MDH1: variants seen among roughly 807,000 people sequenced by gnomAD.
MDH1 encodes malate dehydrogenase, cytoplasmic.
MDH1 carries 15 observed loss-of-function variants against 38.7 expected under a neutral mutation model. That is an observed-to-expected ratio of 0.39 (90% CI 0.26 to 0.60). The LOEUF (loss-of-function observed/expected upper bound fraction) is 0.60, where lower values mean the gene tolerates loss of function less well. MDH1 is among the 20% of genes least tolerant of loss of function. The pLI, the probability that MDH1 is intolerant of heterozygous loss-of-function variation, is 0.56. For synonymous variants in MDH1, 144 were observed against 143.6 expected, an observed-to-expected ratio of 1.00 and a Z score of -0.02; for missense variants, 368 against 405.2, an observed-to-expected ratio of 0.91 and a Z score of 0.79.
At chr2:63,596,669 A>G (rs1369782025) in intron 3 of MDH1, among the ~76,000 whole-genome samples, 1 of 152,218 alleles carries the variant, frequency 6.6e-6, no homozygotes, top group Admixed American at 6.5e-5. Flanking sequence ...AGCCTTGACT[A>G]TGATGCAACT....
chr2:63,595,562 C>T lies in MDH1; in HGVS notation c.199+43C>T, dbSNP rs377107529. On this transcript the variant is annotated intron_variant, in intron 3 of 8. Transcript: ENST00000233114. ...GAAGGGATTTTATGGTATTTGATTT[C>T]TTACAAAATACAGGTTTTAGGTTTT... The T allele has an allele frequency of 4.2e-5, 52 of 1,229,150 alleles. No individual in the cohort carries two copies. The African/African-American group carries it at 7.1e-4, about 17-fold the overall frequency. 76.1% of individuals were successfully genotyped at this position (1,229,150 alleles called of 1,614,324 possible). A position where few individuals can be genotyped will look rare whatever the true frequency, so the allele number is the denominator to read the frequency against.
chr2:63,589,984 A>G (rs998835744), intron 1 of MDH1: 1 of 154,098 alleles, frequency 6.5e-6, no homozygotes, highest in African/African-American at 2.4e-5. Context: ...GTTTGAATGA[A>G]TTGGAAATTT....
chr2:63,606,733 C>A, intron 8 of MDH1, 129 bp from the exon 9 acceptor site: 4 of 462,684 alleles, frequency 8.6e-6, no homozygotes, highest in East Asian at 4.3e-5. Flanking sequence ...TAATTAAAAT[C>A]TGGATTTTTA....
At chr2:63,593,498 G>A (rs1709241534) in intron 1 of MDH1, 11 of 465,952 alleles carry the variant, frequency 2.4e-5, no homozygotes, top group South Asian at 1.6e-4. Flanking sequence ...AAGCTTGAAA[G>A]AAGCCTTCGA....
At chr2:63,593,530 C>A (rs539495861) in intron 1 of MDH1, 11 of 470,878 alleles carry the variant, frequency 2.3e-5, no homozygotes, top group Non-Finnish European at 4.8e-5. Flanking sequence ...CTTGTTTCGT[C>A]TCAGAGACGT....
At chr2:63,606,089 A>G in intron 8 of MDH1, 61 bp downstream of exon 8, 1 of 1,461,434 alleles carries the variant, frequency 6.8e-7, no homozygotes, top group Non-Finnish European at 9.6e-7. Flanking sequence ...TCTCTTAAGA[A>G]TGGTATTATT....
intron 7 of MDH1, 113 bp from the exon 8 acceptor site, chr2:63,605,826 A>G (rs2106629433): frequency 1.2e-6 from 1 of 852,480 alleles, no homozygotes; most frequent in South Asian, 1.4e-5. Context: ...TTCCTTACAC[A>G]GTAATGATGT....
chr2:63,595,365 T>G (rs966983801), intron 2 of MDH1, 58 bp from the exon 3 acceptor site: 4 of 1,060,088 alleles, frequency 3.8e-6, no homozygotes, highest in Middle Eastern at 4.0e-4. Context: ...TGAAAAGACT[T>G]TCTTGTGTCT....
At chr2:63,594,876 CATGT>C in intron 2 of MDH1, 1 of 304,690 alleles carries the variant, frequency 3.3e-6, no homozygotes, top group South Asian at 3.9e-5. Flanking sequence ...AACTTACAGT[CATGT>C]GGGAGAGAGT....
chr2:63,603,924 T>C (rs977237983), intron 5 of MDH1, among the ~76,000 whole-genome samples: 1 of 152,272 alleles, frequency 6.6e-6, no homozygotes, highest in South Asian at 2.1e-4. Context: ...CCCAAAGTGC[T>C]GGGATTACAG....
chr2:63,590,717 C>T (rs950640682), intron 1 of MDH1: 1 of 152,122 alleles, frequency 6.6e-6, no homozygotes, highest in African/African-American at 2.4e-5. Flanking sequence ...CTAGCAAGGC[C>T]CCACCGTTGG....
chr2:63,589,883 A>G (rs1709134660), intron 1 of MDH1: 1 of 169,932 alleles, frequency 5.9e-6, no homozygotes, highest in Non-Finnish European at 1.3e-5. Flanking sequence ...ATCGCTTCAT[A>G]CTATCAATAC....
intron 6 of MDH1, 37 bp from the exon 7 acceptor site, chr2:63,605,243 C>T (rs1272182975): frequency 2.2e-6 from 3 of 1,366,432 alleles, no homozygotes; most frequent in Non-Finnish European, 3.1e-6. Flanking sequence ...CTATCATGAC[C>T]AAGTAATACT....
chr2:63,593,659 T>C (rs1163282036), intron 1 of MDH1: 1 of 471,546 alleles, frequency 2.1e-6, no homozygotes, highest in Admixed American at 2.3e-5. Context: ...GGAAGTACAT[T>C]TACCCAGCAT....
At chr2:63,597,271 A>T in intron 3 of MDH1, 128 bp from the exon 4 acceptor site, 1 of 1,242,856 alleles carries the variant, frequency 8.0e-7, no homozygotes, top group Non-Finnish European at 1.0e-6. Context: ...GGCTCCTGAA[A>T]TGTATATCAG....
At chr2:63,594,612 A>C (rs1268447476) in intron 2 of MDH1, 26 bp downstream of exon 2, 1 of 1,472,548 alleles carries the variant, frequency 6.8e-7, no homozygotes, top group South Asian at 1.2e-5. Flanking sequence ...TATAAATCTT[A>C]AGTTATTAGA....
intron 3 of MDH1, 92 bp from the exon 4 acceptor site, chr2:63,597,307 G>C (rs960260215): frequency 2.3e-6 from 3 of 1,281,608 alleles, no homozygotes; most frequent in Non-Finnish European, 3.0e-6. Flanking sequence ...CTTGCAACAA[G>C]TGAAAGAATT....
Position 63,605,308 on chromosome 2 carries a change from T to C in MDH1, c.704T>C (p.Ile235Thr). 1.2e-6 allele frequency: 2 copies of C among 1,614,142 alleles called. No individual in the cohort carries two copies. Among genetic ancestry groups the C allele is most frequent in the East Asian group, 2.2e-5 (1 of 44,884 alleles). ...TTVQQRGAAVIKARKLSSAMS... is the reference protein window; with the variant it reads ...TTVQQRGAAVTKARKLSSAMS... ...GTGCAGCAGCGTGGCGCTGCTGTCA[T>C]CAAGGCTCGAAAACTATCCAGTGCC... Residue 235 changes from isoleucine (I) to threonine (T), a missense_variant, in exon 7 of 9, where the codon ATC (isoleucine) becomes ACC (threonine). Ile to Thr is a moderately conservative substitution (Grantham distance 89). Transcript: ENST00000233114.
At chr2:63,598,331 G>GA (rs1239563087) in intron 4 of MDH1, 1 of 152,120 alleles carries the variant, frequency 6.6e-6, no homozygotes, top group Non-Finnish European at 1.5e-5. Context: ...ATTTCACCAT[G>GA]TTGGCCAGGC....
Sources: allele counts gnomAD v4.1 joint callset (sites outside exome capture counted in the v4.1 genomes callset), GRCh38; gene constraint gnomAD v4.1.1; transcripts MANE v1.5; gene names NCBI Gene and HGNC (gene_info 2026-07-23, HGNC 2026-07-21).